The following HBP1 variants were observed in gnomAD, a reference collection of about 807,000 sequenced individuals.
HBP1 encodes the protein HMG box-containing protein 1.
HBP1 carries 20 observed loss-of-function variants against 62.6 expected under a neutral mutation model. The observed-to-expected ratio is 0.32, with a 90% CI of 0.22 to 0.46. HBP1 has a LOEUF of 0.46. HBP1 is among the 20% of genes least tolerant of loss of function. The pLI is 1.00. For missense variants in HBP1, 480 were observed against 611.8 expected, an observed-to-expected ratio of 0.78 and a Z score of 2.27; for synonymous variants, 232 against 206.2, an observed-to-expected ratio of 1.12 and a Z score of -1.07.
chr7:107,180,960 G>A (rs1268275777), intron 2 of HBP1, among the ~76,000 whole-genome samples: 2 of 152,080 alleles, frequency 1.3e-5, no homozygotes, highest in East Asian at 1.9e-4. Context: ...CTATGACTTC[G>A]TTTAAAAAGT....
intron 1 of HBP1, among the ~76,000 whole-genome samples, chr7:107,178,798 C>T (rs985658453): frequency 5.9e-5 from 9 of 152,142 alleles, no homozygotes; most frequent in East Asian, 1.9e-4. Context: ...TTTGGGAGGC[C>T]GAGGCGGGTG....
rs550704793 is a variant in HBP1 at position 107,192,284 on chromosome 7, A to C, written c.1067+1967A>C. Among the ~76,000 whole-genome samples, 4 of 152,194 alleles carry C rather than the reference A, an allele frequency of 2.6e-5. No homozygotes were observed. In the South Asian group the frequency reaches 8.3e-4, roughly 32 times the overall value. ...AGTTGTGGGAATGATGGGACCCCTC[A>C]AAATCCAAGTTCTAGAAATTAGTCA... is the stretch of plus-strand genomic sequence containing the variant. On this transcript the variant is annotated intron_variant, in intron 8 of 10. Coordinates refer to ENST00000222574, the MANE Select transcript of HBP1 (RefSeq NM_012257.4).
chr7:107,196,260 C>T (rs1202032728), intron 9 of HBP1, 109 bp downstream of exon 9: 1 of 771,036 alleles, frequency 1.3e-6, no homozygotes, highest in South Asian at 1.5e-5. Flanking sequence ...TTATTCAACT[C>T]TTAGGTTGAC....
intron 8 of HBP1, among the ~76,000 whole-genome samples, chr7:107,195,502 T>G (rs967946925): frequency 6.6e-6 from 1 of 152,216 alleles, no homozygotes; most frequent in African/African-American, 2.4e-5. Context: ...AAAGTAAGAA[T>G]AAGTGGGTTG....
chr7:107,184,609 C>T (rs1184535817), intron 3 of HBP1, among the ~76,000 whole-genome samples: 1 of 152,194 alleles, frequency 6.6e-6, no homozygotes, highest in Admixed American at 6.5e-5. Context: ...CTTCCGGGTT[C>T]ACGCCATTCT....
intron 8 of HBP1, among the ~76,000 whole-genome samples, chr7:107,194,134 C>A (rs1310060290): frequency 6.6e-6 from 1 of 152,138 alleles, no homozygotes; most frequent in Non-Finnish European, 1.5e-5. Context: ...TTTAAAGATA[C>A]TCTATGTCAT....
chr7:107,187,873 G>A (rs969472271), intron 6 of HBP1, among the ~76,000 whole-genome samples: 4 of 152,120 alleles, frequency 2.6e-5, no homozygotes, highest in East Asian at 1.9e-4. Context: ...TTGACTGCCC[G>A]CAGTGCTGAA....
At chr7:107,170,504 C>A (rs1380749874) in intron 1 of HBP1, among the ~76,000 whole-genome samples, 1 of 151,826 alleles carries the variant, frequency 6.6e-6, no homozygotes, top group Non-Finnish European at 1.5e-5. Flanking sequence ...TGGTTAAACT[C>A]AGTTCTTGCA....
chr7:107,187,125 C>T (rs138330755), intron 6 of HBP1, among the ~76,000 whole-genome samples: 3,005 of 151,912 alleles, frequency 0.02, 106 homozygotes, highest in African/African-American at 0.067. Context: ...TGGTGGTGGG[C>T]GCCTGTAGTC....
rs1368039380 is a variant in HBP1, at chr7:107,202,096, A to G, written c.*665A>G. The G allele has an allele frequency of 6.5e-6, 1 of 152,704 alleles. No homozygotes were observed. Among genetic ancestry groups the G allele is most frequent in the African/African-American group, 2.4e-5 (1 of 41,468 alleles). The allele number at this position is 152,704 out of a possible 1,614,324, so 9.5% of individuals were successfully genotyped here. On this transcript the variant is annotated 3_prime_UTR_variant, in exon 11 of 11. Transcript: ENST00000222574. ...ATTATTTCCAATGGAGACCTAGCCC[A>G]GGCCAAGGTAAAGTTAGTTAATAGC...
chr7:107,176,369 A>T (rs528181895), intron 1 of HBP1, among the ~76,000 whole-genome samples: 12 of 152,214 alleles, frequency 7.9e-5, no homozygotes, highest in African/African-American at 2.9e-4. Flanking sequence ...GCTCTGTAGA[A>T]CTATGGTCAT....
chr7:107,192,956 A>G (rs949644194), intron 8 of HBP1: 11 of 152,320 alleles, frequency 7.2e-5, no homozygotes, highest in African/African-American at 2.7e-4. Context: ...AGAGGTAAGA[A>G]GAGGAAAAAG....
chr7:107,187,538 G>A (rs542943445), intron 6 of HBP1, among the ~76,000 whole-genome samples: 2 of 152,250 alleles, frequency 1.3e-5, no homozygotes, highest in Admixed American at 6.5e-5. Flanking sequence ...AAGTGTGCTT[G>A]TACAAATTCT....
In HBP1 at chr7:107,169,195, C is replaced by T. The variant is rs1280570749; in HGVS notation, c.-16+10C>T. On this transcript the variant is annotated intron_variant, in intron 1 of 10. Coordinates refer to ENST00000222574, the MANE Select transcript of HBP1 (RefSeq NM_012257.4). Reference sequence around the variant, plus strand: ...CGGCACTTCGCGGCAGGTTTGTTGTCTTTCAGTTAGGGAAGAGGTGGGGGT... The same window carrying T: ...CGGCACTTCGCGGCAGGTTTGTTGTTTTTCAGTTAGGGAAGAGGTGGGGGT... 6 of 403,778 alleles carry T rather than the reference C, an allele frequency of 1.5e-5. No individual in the cohort carries two copies. The highest frequency in any genetic ancestry group is 6.5e-5 in the South Asian group (1 of 15,384). The allele number at this position is 403,778 out of a possible 1,614,324, so 25.0% of individuals were successfully genotyped here.
chr7:107,191,776 GAAAT>G (rs1797664966), intron 8 of HBP1, among the ~76,000 whole-genome samples: 1 of 152,088 alleles, frequency 6.6e-6, no homozygotes, highest in African/African-American at 2.4e-5. Context: ...ATGTTCCTTA[GAAAT>G]AAATAAAATA....
chr7:107,175,668 A>G (rs1374178992), intron 1 of HBP1, among the ~76,000 whole-genome samples: 1 of 151,054 alleles, frequency 6.6e-6, no homozygotes, highest in Non-Finnish European at 1.5e-5. Context: ...TGCCAGCTAT[A>G]TGAGTTTACT....
rs1798398769 is a variant in HBP1 at position 107,202,435 on chromosome 7, C to T, written c.*1004C>T. 2 of 152,698 alleles carry T rather than the reference C, an allele frequency of 1.3e-5. No homozygotes were observed. The highest frequency in any genetic ancestry group is 6.8e-3 in the Middle Eastern group (2 of 294). 9.5% of individuals were successfully genotyped at this position (152,698 alleles called of 1,614,324 possible). A position where few individuals can be genotyped will look rare whatever the true frequency, so the allele number is the denominator to read the frequency against. Reference sequence around the variant, plus strand: ...CACAGCTGTAAAATTGATTTCAGTTCATCACACTTCTTCATGATGTTGCCC... The same window carrying T: ...CACAGCTGTAAAATTGATTTCAGTTTATCACACTTCTTCATGATGTTGCCC... On this transcript the variant is annotated 3_prime_UTR_variant, in exon 11 of 11. Coordinates refer to ENST00000222574, the MANE Select transcript of HBP1 (RefSeq NM_012257.4).
At chr7:107,192,385 TAAG>T (rs1404669294) in intron 8 of HBP1, among the ~76,000 whole-genome samples, 2 of 151,960 alleles carry the variant, frequency 1.3e-5, no homozygotes, top group African/African-American at 2.4e-5. Flanking sequence ...TCTTATATAT[TAAG>T]AAAGATATTA....
rs1395508929 is a variant in HBP1 at position 107,171,067 on chromosome 7, A to ATTTTTT, written c.-16+1883_-16+1884insTTTTTT. The stretch of plus-strand genomic sequence containing the variant: ...TATAAATATATATATATATATATAT[A>ATTTTTT]TATATATTTTTTTTTTTTTTTGAGA... On this transcript the variant is annotated intron_variant, in intron 1 of 10. Transcript: ENST00000222574. Among the ~76,000 whole-genome samples, 17 of 66,680 alleles carry ATTTTTT rather than the reference A, an allele frequency of 2.5e-4. 2 individuals are homozygous for ATTTTTT. The highest frequency in any genetic ancestry group is 1.8e-3 in the African/African-American group (13 of 7,176). The allele number at this position is 66,680 out of a possible 152,430, so 43.7% of individuals were successfully genotyped here.
Sources: gnomAD v4.1 joint callset for allele counts (sites outside exome capture counted in the v4.1 genomes callset) on GRCh38, gnomAD v4.1.1 for gene constraint, MANE v1.5 for transcripts, NCBI Gene and HGNC (gene_info 2026-07-23, HGNC 2026-07-21) for gene names.